The following EPB41 variants were observed in gnomAD, a reference collection of about 807,000 sequenced individuals.
EPB41 encodes erythrocyte membrane protein band 4.1.
EPB41 carries 65 observed loss-of-function variants against 108.0 expected under a neutral mutation model. The observed-to-expected ratio is 0.60, with a 90% CI of 0.49 to 0.74. The LOEUF (loss-of-function observed/expected upper bound fraction) is 0.74. EPB41 is among the 30% of genes least tolerant of loss of function. EPB41 has a pLI of 0.00. For missense variants in EPB41, 875 were observed against 1,037.0 expected (o/e 0.84, Z 2.15); for synonymous variants, 336 against 358.9 (o/e 0.94, Z 0.72).
Position 28,982,564 on chromosome 1 carries a change from C to T in EPB41, c.-7-4867C>T, listed in dbSNP as rs1364545955. 4.7e-6 allele frequency: 7 copies of T among 1,500,012 alleles called. No individual in the cohort carries two copies. In the East Asian group the frequency reaches 1.4e-4, roughly 29 times the overall value. 92.9% of individuals were successfully genotyped at this position (1,500,012 alleles called of 1,614,324 possible). ...GACGGCTTTGCATCCAGAGTAGCGT[C>T]CAGCCAGGACAAGCACCACCTTCCC... is the stretch of plus-strand genomic sequence containing the variant. On this transcript the variant is annotated intron_variant, in intron 1 of 20. Transcript: ENST00000343067.
Position 29,117,364 on chromosome 1 carries a change from C to T in EPB41, c.*552C>T, listed in dbSNP as rs185144859. ...GGCACCAGCCCTGATCCACAGACCT[C>T]GGAAAGATGCCCCTGTTCCTTTGTT... On this transcript the variant is annotated 3_prime_UTR_variant, in exon 21 of 21. Coordinates refer to ENST00000343067, the MANE Select transcript of EPB41 (RefSeq NM_001376013.1). 1.3e-5 allele frequency: 2 copies of T among 152,828 alleles called. No individual in the cohort carries two copies. The highest frequency in any genetic ancestry group is 2.4e-5 in the African/African-American group (1 of 41,578). The allele number at this position is 152,828 out of a possible 1,614,324, so 9.5% of individuals were successfully genotyped here. A position where few individuals can be genotyped will look rare whatever the true frequency, so the allele number is the denominator to read the frequency against.
intron 16 of EPB41, among the ~76,000 whole-genome samples, chr1:29,091,456 A>G (rs1489465462): frequency 6.6e-6 from 1 of 152,208 alleles, no homozygotes; most frequent in African/African-American, 2.4e-5. Context: ...AAACAGTGAG[A>G]TAAGTGCCCT....
rs964920865 is a variant in EPB41, at chr1:28,948,963, A to G, written c.-8+34195A>G. On this transcript the variant is annotated intron_variant, in intron 1 of 20. Coordinates refer to ENST00000343067, the MANE Select transcript of EPB41 (RefSeq NM_001376013.1). ...AGACTCCATCTCAAAAAAAGAATCT[A>G]TGAAACATAAAATGTAGTTTAGGAA... 3.9e-5 allele frequency among the ~76,000 whole-genome samples: 6 copies of G among 152,148 alleles called. 1 individual carries two copies. The highest frequency in any genetic ancestry group is 5.9e-5 in the Non-Finnish European group (4 of 68,034).
At chr1:28,905,080 T>A (rs1217064772) in intron 1 of EPB41, among the ~76,000 whole-genome samples, 2 of 146,650 alleles carry the variant, frequency 1.4e-5, no homozygotes, top group Non-Finnish European at 3.0e-5. Flanking sequence ...GAGCCTGTAA[T>A]CCTAGCTACT....
intron 16 of EPB41, chr1:29,097,427 C>T (rs1272233951): frequency 3.5e-6 from 1 of 285,300 alleles, no homozygotes; most frequent in African/African-American, 2.2e-5. Flanking sequence ...GGAAATGTGG[C>T]TGATTTTCTT....
intron 11 of EPB41, among the ~76,000 whole-genome samples, chr1:29,051,667 C>A (rs924005352): frequency 2.0e-5 from 3 of 151,974 alleles, no homozygotes; most frequent in African/African-American, 7.2e-5. Context: ...GAGGCCAAGG[C>A]AGGCAGATCA....
intron 7 of EPB41, among the ~76,000 whole-genome samples, chr1:29,020,206 T>A (rs1409480371): frequency 6.6e-6 from 1 of 152,036 alleles, no homozygotes; most frequent in African/African-American, 2.4e-5. Flanking sequence ...TAGCTGGGAT[T>A]ACAGGCGCCC....
intron 1 of EPB41, among the ~76,000 whole-genome samples, chr1:28,898,442 C>T (rs79761778): frequency 0.014 from 2,192 of 152,308 alleles, 53 homozygotes; most frequent in African/African-American, 0.048. Flanking sequence ...ATCTCAGTTT[C>T]CACCTCAGTG....
At chr1:28,995,725 G>A (rs764477112) in intron 3 of EPB41, among the ~76,000 whole-genome samples, 1 of 152,148 alleles carries the variant, frequency 6.6e-6, no homozygotes, top group Non-Finnish European at 1.5e-5. Context: ...TTCATTCTGA[G>A]GTGGATAAAT....
At chr1:29,107,576 C>T (rs1037141947) in intron 17 of EPB41, among the ~76,000 whole-genome samples, 12 of 151,922 alleles carry the variant, frequency 7.9e-5, no homozygotes, top group Non-Finnish European at 1.3e-4. Flanking sequence ...AGCGGCTGGG[C>T]GCGGTGGCTC....
chr1:28,892,008 A>C (rs1049743851), intron 1 of EPB41, among the ~76,000 whole-genome samples: 1 of 141,776 alleles, frequency 7.1e-6, no homozygotes, highest in Admixed American at 8.0e-5. Context: ...CAGGAGAATC[A>C]CTTGAACCGA....
chr1:28,975,585 A>C (rs1354252637), intron 1 of EPB41, among the ~76,000 whole-genome samples: 1 of 152,088 alleles, frequency 6.6e-6, no homozygotes, highest in African/African-American at 2.4e-5. Flanking sequence ...AAGTCCCAAC[A>C]ATTTAGCATG....
intron 17 of EPB41, among the ~76,000 whole-genome samples, chr1:29,105,922 T>G (rs1387887975): frequency 6.6e-6 from 1 of 151,598 alleles, no homozygotes; most frequent in Admixed American, 6.6e-5. Context: ...AATTTATTGG[T>G]ATTTTGTGGT....
At chr1:28,891,034 G>C (rs2090057641) in intron 1 of EPB41, 1 of 973,122 alleles carries the variant, frequency 1.0e-6, no homozygotes, top group Non-Finnish European at 1.2e-6. Flanking sequence ...AAGGGGCAGA[G>C]GGAGCAACCT....
chr1:29,095,797 A>G (rs905679366), intron 16 of EPB41, among the ~76,000 whole-genome samples: 1 of 152,072 alleles, frequency 6.6e-6, no homozygotes, highest in African/African-American at 2.4e-5. Context: ...ATATATTTTG[A>G]TTGATGCACA....
intron 10 of EPB41, among the ~76,000 whole-genome samples, chr1:29,036,845 T>G (rs565379195): frequency 4.9e-4 from 75 of 151,766 alleles, no homozygotes; most frequent in African/African-American, 1.7e-3. Context: ...CTAGCTAGTT[T>G]TTGTTTTTGT....
chr1:28,917,893 C>T (rs2092800460), intron 1 of EPB41, among the ~76,000 whole-genome samples: 2 of 151,716 alleles, frequency 1.3e-5, no homozygotes, highest in South Asian at 2.1e-4. Context: ...CTGTGCCCAG[C>T]TTAGTCTGTA....
At chr1:28,904,169 T>C (rs977607322) in intron 1 of EPB41, among the ~76,000 whole-genome samples, 1 of 133,908 alleles carries the variant, frequency 7.5e-6, no homozygotes, top group Admixed American at 7.5e-5. Flanking sequence ...CCGGCCCAGC[T>C]TTTTTTTTTT....
intron 1 of EPB41, among the ~76,000 whole-genome samples, chr1:28,915,978 G>GTA (rs1309611967): frequency 3.3e-5 from 5 of 151,978 alleles, no homozygotes; most frequent in Non-Finnish European, 5.9e-5. Context: ...TATATAGCCC[G>GTA]TATATGTTTC....
Sources: allele counts gnomAD v4.1 joint callset (sites outside exome capture counted in the v4.1 genomes callset), GRCh38; gene constraint gnomAD v4.1.1; transcripts MANE v1.5; gene names NCBI Gene and HGNC (gene_info 2026-07-23, HGNC 2026-07-21).